Variants in ZNF385D observed in about 807,000 individuals in gnomAD.
The protein encoded by ZNF385D is zinc finger protein 659.
Under a neutral mutation model 35.8 loss-of-function variants are expected in ZNF385D, and 15 were observed. That is an observed-to-expected ratio of 0.42 (90% confidence interval 0.28 to 0.64). The LOEUF (loss-of-function observed/expected upper bound fraction) is 0.64, where lower values mean the gene tolerates loss of function less well. Among genes scored for constraint, ZNF385D ranks in the 30% least tolerant of loss-of-function variants. The pLI is 0.23. For synonymous variants in ZNF385D, 212 were observed against 186.8 expected (o/e 1.13, Z -1.10); for missense variants, 474 against 494.6 (o/e 0.96, Z 0.39).
chr3:21,979,413 T>C (rs1001932596), intron 3 of ZNF385D, among the ~76,000 whole-genome samples: 1 of 152,206 alleles, frequency 6.6e-6, no homozygotes, highest in African/African-American at 2.4e-5. Flanking sequence ...ATTGAGCTTT[T>C]TATCCAATAT....
chr3:22,243,110 T>C (rs1699585020), intron 2 of ZNF385D, among the ~76,000 whole-genome samples: 1 of 150,672 alleles, frequency 6.6e-6, no homozygotes, highest in Non-Finnish European at 1.5e-5. Context: ...TGGGAGAAAA[T>C]ATTTGCAAAT....
rs183908545 is a variant in ZNF385D, at chr3:22,330,515, C to T, written c.106+41935G>A. Reference sequence around the variant, plus strand: ...ATAATGTTTTGAGCTTTTTTGTATCCCTGGTATCCTTATTTGAAATTCAAG... The same window carrying T: ...ATAATGTTTTGAGCTTTTTTGTATCTCTGGTATCCTTATTTGAAATTCAAG... On this transcript the variant is annotated intron_variant, in intron 2 of 5. Transcript: ENST00000494108. Among the ~76,000 whole-genome samples, 398 of 151,914 alleles carry T rather than the reference C, an allele frequency of 2.6e-3. 1 individual carries two copies. The highest frequency in any genetic ancestry group is 0.014 in the Middle Eastern group (4 of 294).
chr3:22,140,532 A>C (rs11129047), intron 3 of ZNF385D, among the ~76,000 whole-genome samples: 40,387 of 151,896 alleles, frequency 0.27, 6,081 homozygotes, highest in East Asian at 0.4. Context: ...ATACCCCCCC[A>C]AAAACATGTA....
chr3:22,023,940 A>G (rs1697376391), intron 3 of ZNF385D, among the ~76,000 whole-genome samples: 1 of 152,028 alleles, frequency 6.6e-6, no homozygotes, highest in Non-Finnish European at 1.5e-5. Flanking sequence ...GTTAACACTG[A>G]GTGTCAACTT....
At chr3:22,368,249 G>C (rs756286935) in intron 2 of ZNF385D, among the ~76,000 whole-genome samples, 1 of 152,086 alleles carries the variant, frequency 6.6e-6, no homozygotes, top group Non-Finnish European at 1.5e-5. Flanking sequence ...ATACTCTACT[G>C]GTTTATCAGG....
intron 3 of ZNF385D, among the ~76,000 whole-genome samples, chr3:22,025,701 G>T (rs907392972): frequency 6.6e-5 from 10 of 152,146 alleles, no homozygotes; most frequent in African/African-American, 2.4e-4. Context: ...TTGGTTTAAT[G>T]TAGAGGAAGG....
At chr3:22,236,634 C>G (rs1047939174) in intron 2 of ZNF385D, among the ~76,000 whole-genome samples, 5 of 152,142 alleles carry the variant, frequency 3.3e-5, no homozygotes. Flanking sequence ...CAAGGTTGTA[C>G]AATCATCACC....
At chr3:22,292,691 T>C (rs1262717761) in intron 2 of ZNF385D, among the ~76,000 whole-genome samples, 4 of 152,134 alleles carry the variant, frequency 2.6e-5, no homozygotes, top group East Asian at 1.9e-4. Context: ...TGGAGTTTTA[T>C]TTCTGTAACA....
At position 22,121,669 on chromosome 3, in the gene ZNF385D, T is replaced by C. The variant is rs545590434; in HGVS notation, c.325+47148A>G. On this transcript the variant is annotated intron_variant, in intron 3 of 5. Coordinates refer to the ZNF385D transcript ENST00000494108. ...ACTTAGGGGAAGTTGTTGAATGATG[T>C]GATTTTTTTTTTTTTTTTTAAATAA... 1.2e-4 allele frequency among the ~76,000 whole-genome samples: 15 copies of C among 124,820 alleles called. No homozygotes were observed. In the South Asian group the frequency reaches 4.0e-3, roughly 34 times the overall value. 81.9% of individuals were successfully genotyped at this position (124,820 alleles called of 152,430 possible). A position where few individuals can be genotyped will look rare whatever the true frequency, so the allele number is the denominator to read the frequency against.
chr3:22,220,074 T>C (rs1227443180), intron 2 of ZNF385D, among the ~76,000 whole-genome samples: 2 of 151,338 alleles, frequency 1.3e-5, no homozygotes, highest in South Asian at 2.1e-4. Flanking sequence ...TTTTTTTTTC[T>C]TTTTTTGAGA....
intron 2 of ZNF385D, among the ~76,000 whole-genome samples, chr3:22,338,595 T>C (rs1695276007): frequency 6.6e-6 from 1 of 152,146 alleles, no homozygotes; most frequent in Admixed American, 6.5e-5. Flanking sequence ...TTTCTATTCA[T>C]ATTTTGAGAG....
At chr3:21,576,392 A>G (rs961247687) in intron 2 of ZNF385D, among the ~76,000 whole-genome samples, 3 of 152,200 alleles carry the variant, frequency 2.0e-5, no homozygotes, top group African/African-American at 7.2e-5. Context: ...GTTCTATGGT[A>G]GCTTAATACA....
intron 1 of ZNF385D, among the ~76,000 whole-genome samples, chr3:21,694,438 G>A (rs1388814981): frequency 6.6e-6 from 1 of 152,142 alleles, no homozygotes; most frequent in Non-Finnish European, 1.5e-5. Context: ...AGTGGAAGGA[G>A]CTCAGGTTAG....
intron 3 of ZNF385D, among the ~76,000 whole-genome samples, chr3:22,006,513 T>C (rs1252133243): frequency 6.6e-6 from 1 of 152,010 alleles, no homozygotes; most frequent in Non-Finnish European, 1.5e-5. Context: ...TCTTTTTGAT[T>C]ACAGTAATAA....
At chr3:21,886,965 C>G (rs1316492838) in intron 3 of ZNF385D, among the ~76,000 whole-genome samples, 12 of 152,148 alleles carry the variant, frequency 7.9e-5, no homozygotes. Context: ...TTCAACGCCA[C>G]ACGTTTTCAA....
chr3:22,043,342 C>T (rs1049481013), intron 3 of ZNF385D, among the ~76,000 whole-genome samples: 2 of 152,070 alleles, frequency 1.3e-5, no homozygotes, highest in Non-Finnish European at 2.9e-5. Context: ...AGGTCTGTGG[C>T]CCAGATTCTA....
intron 3 of ZNF385D, among the ~76,000 whole-genome samples, chr3:21,966,512 C>A (rs914946253): frequency 7.2e-5 from 11 of 152,166 alleles, no homozygotes; most frequent in African/African-American, 2.7e-4. Context: ...TCACTGTATT[C>A]ATTTCCTGAT....
At chr3:22,156,079 A>T (rs1027940200) in intron 3 of ZNF385D, among the ~76,000 whole-genome samples, 4 of 152,064 alleles carry the variant, frequency 2.6e-5, no homozygotes, top group African/African-American at 9.7e-5. Flanking sequence ...CTTGTATGGG[A>T]AAAGAATAAA....
chr3:21,976,342 T>C (rs1408337790), intron 3 of ZNF385D, among the ~76,000 whole-genome samples: 1 of 151,948 alleles, frequency 6.6e-6, no homozygotes, highest in African/African-American at 2.4e-5. Context: ...AGAAAACAAA[T>C]ATAAAATAGT....
Sources: allele counts gnomAD v4.1 joint callset (sites outside exome capture counted in the v4.1 genomes callset), GRCh38; gene constraint gnomAD v4.1.1; transcripts MANE v1.5; gene names NCBI Gene and HGNC (gene_info 2026-07-23, HGNC 2026-07-21).